Variants in NCAPD3 observed in about 807,000 individuals in gnomAD.
NCAPD3 encodes non-SMC condensin II complex subunit D3.
In NCAPD3, 105 loss-of-function variants were observed where a neutral mutation model predicts 182.9. The observed-to-expected ratio is 0.57, with a 90% CI of 0.49 to 0.68. The LOEUF (loss-of-function observed/expected upper bound fraction) is 0.68, where lower values mean the gene tolerates loss of function less well. NCAPD3 is among the 30% of genes least tolerant of loss of function. NCAPD3 has a pLI of 0.00. For missense variants in NCAPD3, 1,944 were observed against 1,837.0 expected (o/e 1.06, Z -1.07); for synonymous variants, 815 against 679.9 (o/e 1.20, Z -3.09).
chr11:134,160,160 TAACA>T, intron 28 of NCAPD3, 86 bp from the exon 29 acceptor site: 1 of 1,396,076 alleles, frequency 7.2e-7, no homozygotes, highest in South Asian at 1.3e-5. Flanking sequence ...TTCGCCTGTG[TAACA>T]AACCTGCACA....
At chr11:134,165,191 G>A (rs924949985) in intron 27 of NCAPD3, among the ~76,000 whole-genome samples, 1 of 148,326 alleles carries the variant, frequency 6.7e-6, no homozygotes, top group African/African-American at 2.5e-5. Context: ...CTTGTGAGAT[G>A]AGCTTGGGGG....
chr11:134,223,563 G>A (rs1341977123), intron 1 of NCAPD3: 14 of 690,904 alleles, frequency 2.0e-5, no homozygotes, highest in Middle Eastern at 2.3e-4. Flanking sequence ...GGTAAGAATA[G>A]ATAGGTGCAC....
At position 134,203,213 on chromosome 11, in the gene NCAPD3, A is replaced by T; in HGVS notation, c.1469-15T>A. The T allele has an allele frequency of 1.3e-6, 2 of 1,566,238 alleles. No homozygotes were observed. On this transcript the variant is annotated splice_polypyrimidine_tract_variant and intron_variant, in intron 11 of 34. Transcript: ENST00000534548. Reference sequence around the variant, plus strand: ...AAACGTAGGACCTAAAAACAAGAAGAAAGATAAGAAGGAAGAAGTCAGTAT... The same window carrying T: ...AAACGTAGGACCTAAAAACAAGAAGTAAGATAAGAAGGAAGAAGTCAGTAT...
intron 3 of NCAPD3, among the ~76,000 whole-genome samples, chr11:134,213,154 G>A (rs1304029403): frequency 6.6e-6 from 1 of 152,122 alleles, no homozygotes; most frequent in Non-Finnish European, 1.5e-5. Flanking sequence ...AACATAGCGA[G>A]ACCCTGTCTC....
intron 20 of NCAPD3, among the ~76,000 whole-genome samples, chr11:134,179,617 G>A (rs1028821664): frequency 2.0e-5 from 3 of 152,122 alleles, no homozygotes; most frequent in Non-Finnish European, 4.4e-5. Flanking sequence ...AAAATCCAAG[G>A]TAAAGAGTAT....
At position 134,169,157 on chromosome 11, in the gene NCAPD3, C is replaced by T. The variant is rs557515271; in HGVS notation, c.3102-103G>A. Reference sequence around the variant, plus strand: ...TGAGCAGAGGAGAGCTGTACATAAGCGTAGGGATTCAAAATCTATCCCAAT... The same window carrying T: ...TGAGCAGAGGAGAGCTGTACATAAGTGTAGGGATTCAAAATCTATCCCAAT... On this transcript the variant is annotated intron_variant, in intron 24 of 34. Transcript: ENST00000534548. 124 of 1,153,930 alleles carry T rather than the reference C, an allele frequency of 1.1e-4. No homozygotes were observed. In the South Asian group the frequency reaches 1.9e-3, roughly 18 times the overall value. The allele number at this position is 1,153,930 out of a possible 1,614,324, so 71.5% of individuals were successfully genotyped here.
chr11:134,217,942 T>TA (rs1177759339), intron 2 of NCAPD3, among the ~76,000 whole-genome samples: 9 of 151,576 alleles, frequency 5.9e-5, no homozygotes, highest in Admixed American at 5.9e-4. Context: ...CCACAAAAAA[T>TA]AAAAAATTAG....
At chr11:134,195,155 C>G (rs896551793) in intron 13 of NCAPD3, among the ~76,000 whole-genome samples, 2 of 152,162 alleles carry the variant, frequency 1.3e-5, no homozygotes, top group Non-Finnish European at 2.9e-5. Flanking sequence ...GGGTGGTGTA[C>G]AGTGGTACAA....
In NCAPD3 at chr11:134,151,932, A is replaced by G. The variant is rs1943251464; in HGVS notation, c.*1012T>C. The G allele has an allele frequency of 6.6e-6, 1 of 152,204 alleles. No homozygotes were observed. Among genetic ancestry groups the G allele is most frequent in the Non-Finnish European group, 1.5e-5 (1 of 68,044 alleles). The allele number at this position is 152,204 out of a possible 1,614,324, so 9.4% of individuals were successfully genotyped here. A position where few individuals can be genotyped will look rare whatever the true frequency, so the allele number is the denominator to read the frequency against. On this transcript the variant is annotated 3_prime_UTR_variant, in exon 35 of 35. Coordinates refer to ENST00000534548, the MANE Select transcript of NCAPD3 (RefSeq NM_015261.3). ...GCAGTGCTGCGCCTCTCCGCCACCG[A>G]GCCCACCTGTGTTGCGGTTCCCACT...
intron 1 of NCAPD3, 137 bp from the exon 2 acceptor site, chr11:134,220,863 GT>G: frequency 1.3e-6 from 1 of 747,536 alleles, no homozygotes; most frequent in Middle Eastern, 2.8e-4. Flanking sequence ...AATAACATAG[GT>G]GTAGCATAAT....
intron 32 of NCAPD3, among the ~76,000 whole-genome samples, chr11:134,155,921 G>C (rs1270826505): frequency 6.6e-6 from 1 of 152,174 alleles, no homozygotes; most frequent in Non-Finnish European, 1.5e-5. Flanking sequence ...CCTCTAACCT[G>C]TTAACTATTC....
At position 134,192,903 on chromosome 11, in the gene NCAPD3, G is replaced by A. The variant is rs200909482; in HGVS notation, c.1831C>T (p.Pro611Ser). 4.3e-5 allele frequency: 69 copies of A among 1,599,994 alleles called. No homozygotes were observed. Among genetic ancestry groups the A allele is most frequent in the Non-Finnish European group, 5.8e-5 (68 of 1,167,260 alleles). Reference protein sequence around the residue: ...QSLTELLMAQPRCVQIQKAWL... With the variant: ...QSLTELLMAQSRCVQIQKAWL... The stretch of plus-strand genomic sequence containing the variant: ...GCTTTCTGGATCTGCACGCATCTAG[G>A]CTGAGCCTTAGGAGTGAAAGATTAT... The change falls in exon 16 of 35, where the codon CCT becomes TCT. Residue 611 changes from proline to serine, a missense_variant. Transcript: ENST00000534548.
intron 13 of NCAPD3, 134 bp from the exon 14 acceptor site, chr11:134,194,872 A>G (rs1049506357): frequency 5.8e-5 from 31 of 533,328 alleles, no homozygotes; most frequent in Non-Finnish European, 6.5e-6. Flanking sequence ...AAGAAATGAG[A>G]GTGTGGAAAA....
At chr11:134,177,098 G>T (rs556520129) in intron 23 of NCAPD3, 121 bp downstream of exon 23, 32 of 757,482 alleles carry the variant, frequency 4.2e-5, no homozygotes, top group South Asian at 3.3e-4. Context: ...CCAGACCAGA[G>T]ATGAGACAAT....
intron 16 of NCAPD3, 57 bp from the exon 17 acceptor site, chr11:134,185,583 C>A (rs10894783): frequency 0.17 from 235,475 of 1,400,014 alleles, 20,617 homozygotes; most frequent in East Asian, 0.3. Context: ...CAAAATGATT[C>A]AGATGGGAGC....
intron 28 of NCAPD3, 21 bp from the exon 29 acceptor site, chr11:134,160,095 T>C (rs371853863): frequency 3.7e-6 from 6 of 1,609,124 alleles, no homozygotes; most frequent in Non-Finnish European, 5.1e-6. Flanking sequence ...GCCAGGAGCA[T>C]CCTTTCATGT....
chr11:134,181,215 G>GC, intron 19 of NCAPD3, 31 bp from the exon 20 acceptor site: 1 of 1,437,874 alleles, frequency 7.0e-7, no homozygotes, highest in South Asian at 1.2e-5. Context: ...TCTCTGAAGG[G>GC]CCCCGCACAT....
chr11:134,173,521 G>T, intron 24 of NCAPD3: 1 of 153,700 alleles, frequency 6.5e-6, no homozygotes. Context: ...AGCAGCACTG[G>T]GGCGGCCCCA....
At chr11:134,186,823 A>G (rs1164114942) in intron 16 of NCAPD3, among the ~76,000 whole-genome samples, 4 of 152,208 alleles carry the variant, frequency 2.6e-5, no homozygotes, top group African/African-American at 4.8e-5. Context: ...AAGTTTTGCT[A>G]ATATATCAGC....
Sources: allele counts gnomAD v4.1 joint callset (sites outside exome capture counted in the v4.1 genomes callset), GRCh38; gene constraint gnomAD v4.1.1; transcripts MANE v1.5; gene names NCBI Gene and HGNC (gene_info 2026-07-23, HGNC 2026-07-21).